The following SHLD2 variants were observed in gnomAD, a reference collection of about 807,000 sequenced individuals.
The protein encoded by SHLD2 is RINN1-REV7-interacting novel NHEJ regulator 2.
In SHLD2, 30 loss-of-function variants were observed where a neutral mutation model predicts 73.2. The observed-to-expected ratio is 0.41, with a 90% CI of 0.31 to 0.56. The LOEUF (loss-of-function observed/expected upper bound fraction) is 0.56. SHLD2 is among the 20% of genes least tolerant of loss of function. The pLI is 0.28. For missense variants in SHLD2, 745 were observed against 1,055.9 expected (o/e 0.71, Z 4.08); for synonymous variants, 285 against 370.1 (o/e 0.77, Z 2.64).
intron 2 of SHLD2, among the ~76,000 whole-genome samples, chr10:87,112,612 G>A (rs1324672125): frequency 1.3e-5 from 2 of 151,794 alleles, no homozygotes; most frequent in Non-Finnish European, 2.9e-5. Context: ...TCCAGCCTGG[G>A]CGGCAGAGCA....
At chr10:87,144,396 G>C (rs1243862508) in intron 2 of SHLD2, among the ~76,000 whole-genome samples, 4 of 152,116 alleles carry the variant, frequency 2.6e-5, no homozygotes, top group Non-Finnish European at 5.9e-5. Context: ...CAATTGCAAA[G>C]GAAATTAAAA....
chr10:87,122,173 CAAAAAA>C (rs10706744), intron 2 of SHLD2, among the ~76,000 whole-genome samples: 5 of 86,404 alleles, frequency 5.8e-5, no homozygotes, highest in African/African-American at 2.3e-4. Context: ...CACTGACTGT[CAAAAAA>C]AAAAAAAAAA....
intron 9 of SHLD2, 122 bp from the exon 10 acceptor site, chr10:87,190,362 A>T: frequency 1.2e-6 from 1 of 866,954 alleles, no homozygotes; most frequent in South Asian, 1.4e-5. Flanking sequence ...ACTGGACGGG[A>T]GGAGAAATTT....
intron 2 of SHLD2, among the ~76,000 whole-genome samples, chr10:87,125,238 A>C (rs1321255194): frequency 6.6e-6 from 1 of 152,086 alleles, no homozygotes; most frequent in Admixed American, 6.6e-5. Flanking sequence ...CTTGAAGTGA[A>C]CTCTGGCTCT....
chr10:87,107,942 G>A (rs1296201424), intron 2 of SHLD2, among the ~76,000 whole-genome samples: 2 of 151,874 alleles, frequency 1.3e-5, no homozygotes, highest in Non-Finnish European at 2.9e-5. Context: ...GGAGTGCAGT[G>A]GTGCAATCTC....
intron 2 of SHLD2, among the ~76,000 whole-genome samples, chr10:87,134,606 A>G (rs981277641): frequency 3.9e-5 from 6 of 152,198 alleles, no homozygotes; most frequent in African/African-American, 1.4e-4. Context: ...ACTGGCATAG[A>G]TAATACCTGA....
chr10:87,127,961 G>A (rs1844154610), intron 2 of SHLD2, among the ~76,000 whole-genome samples: 1 of 152,028 alleles, frequency 6.6e-6, no homozygotes. Flanking sequence ...CTTTTACAGG[G>A]CAATTTTGTA....
At chr10:87,140,503 T>G (rs983244024) in intron 2 of SHLD2, among the ~76,000 whole-genome samples, 5 of 151,340 alleles carry the variant, frequency 3.3e-5, no homozygotes, top group African/African-American at 7.3e-5. Flanking sequence ...TTTGAGAGGC[T>G]GAGATGAGAG....
At chr10:87,112,665 T>C (rs1843001988) in intron 2 of SHLD2, among the ~76,000 whole-genome samples, 1 of 148,420 alleles carries the variant, frequency 6.7e-6, no homozygotes, top group South Asian at 2.1e-4. Flanking sequence ...ATAATAATAA[T>C]AGAGATACCA....
chr10:87,113,047 C>T (rs532372950), intron 2 of SHLD2, among the ~76,000 whole-genome samples: 19 of 152,198 alleles, frequency 1.2e-4, no homozygotes, highest in Admixed American at 5.9e-4. Flanking sequence ...GTGGTCCAGC[C>T]GGGTGTGGTG....
chr10:87,128,139 AATTCTCAGCT>A (rs1844170853), intron 2 of SHLD2, among the ~76,000 whole-genome samples: 1 of 152,126 alleles, frequency 6.6e-6, no homozygotes, highest in Admixed American at 6.5e-5. Flanking sequence ...AACAAACAGT[AATTCTCAGCT>A]TCCACCTTCA....
At chr10:87,176,838 G>C (rs1310635779) in intron 7 of SHLD2, among the ~76,000 whole-genome samples, 4 of 152,192 alleles carry the variant, frequency 2.6e-5, no homozygotes, top group Admixed American at 1.3e-4. Flanking sequence ...TGAATACAGA[G>C]ATTTCATTCT....
chr10:87,094,484 C>A, upstream of SHLD2: 1 of 1,613,632 alleles, frequency 6.2e-7, no homozygotes, highest in Non-Finnish European at 8.5e-7. The surrounding 1 kb of genome is among the most constrained non-coding windows in gnomAD (Gnocchi z 6.6). Context: ...CGCTTCTGCT[C>A]CTCGCTCTCC....
intron 4 of SHLD2, among the ~76,000 whole-genome samples, chr10:87,158,854 A>G (rs1846618468): frequency 6.6e-6 from 1 of 152,204 alleles, no homozygotes; most frequent in Non-Finnish European, 1.5e-5. Flanking sequence ...TCTTACTTCC[A>G]GTCTTTGTCT....
At chr10:87,159,993 T>A (rs1039777027) in intron 4 of SHLD2, among the ~76,000 whole-genome samples, 25 of 152,204 alleles carry the variant, frequency 1.6e-4, no homozygotes, top group Non-Finnish European at 2.5e-4. Flanking sequence ...AAAAGTTTTT[T>A]AAATAATAAA....
chr10:87,107,972 T>C (rs575886397), intron 2 of SHLD2, among the ~76,000 whole-genome samples: 25 of 152,124 alleles, frequency 1.6e-4, no homozygotes, highest in African/African-American at 5.8e-4. Flanking sequence ...CAACCTCTGC[T>C]TCCTGGTTTC....
At chr10:87,125,652 G>A (rs1342041580) in intron 2 of SHLD2, among the ~76,000 whole-genome samples, 1 of 152,188 alleles carries the variant, frequency 6.6e-6, no homozygotes, top group Non-Finnish European at 1.5e-5. Context: ...CAGGAGAATT[G>A]CTTGAACCCA....
At chr10:87,115,473 G>C (rs1307021322) in intron 2 of SHLD2, 1 of 151,908 alleles carries the variant, frequency 6.6e-6, no homozygotes, top group African/African-American at 2.4e-5. Flanking sequence ...AGTGGAGTGG[G>C]TCAGTTCTGT....
intron 2 of SHLD2, among the ~76,000 whole-genome samples, chr10:87,135,259 A>G (rs1244998048): frequency 2.0e-5 from 3 of 151,924 alleles, no homozygotes; most frequent in African/African-American, 7.3e-5. Context: ...TACTTTATTT[A>G]CCTAATGTTT....
Sources: gnomAD v4.1 joint callset for allele counts (sites outside exome capture counted in the v4.1 genomes callset) on GRCh38, gnomAD v4.1.1 for gene constraint, Gnocchi (gnomAD v3.1) non-coding constraint, MANE v1.5 for transcripts, NCBI Gene and HGNC (gene_info 2026-07-23, HGNC 2026-07-21) for gene names.